Variants in ECSCR observed in about 807,000 individuals in gnomAD.
ECSCR encodes the protein endothelial cell-specific chemotaxis regulator.
A neutral mutation model predicts 16.7 loss-of-function variants in ECSCR; 12 were observed. The observed-to-expected ratio is 0.72, with a 90% CI of 0.46 to 1.17. The LOEUF (loss-of-function observed/expected upper bound fraction) is 1.17, where lower values mean the gene tolerates loss of function less well. Among genes scored for constraint, ECSCR ranks in the 50% most tolerant of loss-of-function variants. ECSCR has a pLI of 0.00. For synonymous variants in ECSCR, 44 were observed against 42.2 expected (o/e 1.04, Z -0.17); for missense variants, 122 against 116.1 (o/e 1.05, Z -0.23).
intron 8 of ECSCR, among the ~76,000 whole-genome samples, chr5:139,452,302 G>GGT (rs1302268281): frequency 1.5e-4 from 22 of 142,492 alleles, no homozygotes; most frequent in African/African-American, 4.7e-4. Context: ...GTAGGTTTGT[G>GGT]GTGTGTGTGT....
chr5:139,450,395 T>G (rs1486944995), intron 8 of ECSCR, among the ~76,000 whole-genome samples: 3 of 151,428 alleles, frequency 2.0e-5, no homozygotes, highest in Non-Finnish European at 4.4e-5. Context: ...TCCCAGCTAC[T>G]TGACAGGCTG....
intron 8 of ECSCR, among the ~76,000 whole-genome samples, chr5:139,453,802 G>A (rs1751096037): frequency 1.2e-5 from 1 of 83,068 alleles, no homozygotes. Context: ...GGTGTGTGTG[G>A]TGTGTGATGT....
At chr5:139,457,660 C>T (rs1290039560) in intron 3 of ECSCR, 56 bp from the exon 4 acceptor site, 5 of 1,393,374 alleles carry the variant, frequency 3.6e-6, no homozygotes, top group South Asian at 2.3e-5. Flanking sequence ...GGTGACACCA[C>T]ACTCCCTGTC....
chr5:139,458,137 A>G lies in ECSCR; in HGVS notation c.106+2T>C. 6.5e-7 allele frequency: 1 copy of G among 1,549,620 alleles called. No homozygotes were observed. The highest frequency in any genetic ancestry group is 8.7e-7 in the Non-Finnish European group (1 of 1,146,920). On this transcript the variant is annotated splice_donor_variant, in intron 2 of 9. Coordinates refer to ENST00000618155, the MANE Select transcript of ECSCR (RefSeq NM_001077693.4). LOFTEE classifies it high-confidence loss of function. ...GGAGTAGACCCATGTGTTTGGTCTTACCCTGAGAGCTAGAGGTCTGGGTCA... is the reference window on the plus strand; with the variant it reads ...GGAGTAGACCCATGTGTTTGGTCTTGCCCTGAGAGCTAGAGGTCTGGGTCA...
In ECSCR at chr5:139,449,110, T is replaced by G; in HGVS notation, c.577A>C (p.Asn193His). ...TLISMKNINMNNGKQSLSAEK... is the reference protein window; with the variant it reads ...TLISMKNINMHNGKQSLSAEK... ...GCTGAGAGACTTTGTTTGCCATTAT[T>G]CATGTTGATGTTCTTCATGGAGATA... Residue 193 changes from asparagine to histidine, a missense_variant, in exon 9 of 10, where the codon AAT becomes CAT. Coordinates refer to ENST00000618155, the MANE Select transcript of ECSCR (RefSeq NM_001077693.4). The G allele has an allele frequency of 6.5e-7, 1 of 1,537,216 alleles. No individual in the cohort carries two copies.
rs1750963366 is a variant in ECSCR at position 139,448,723 on chromosome 5, G to A, written c.*177C>T. ...GTCCATACAGGAAAGAGTCTCCCCT[G>A]TTGGTAGCTTGCTCCCAGATCTGGG... On this transcript the variant is annotated 3_prime_UTR_variant, in exon 10 of 10. Transcript: ENST00000618155. The A allele has an allele frequency of 7.0e-7, 1 of 1,437,750 alleles. No homozygotes were observed. The highest frequency in any genetic ancestry group is 1.5e-5 in the South Asian group (1 of 65,888). The allele number at this position is 1,437,750 out of a possible 1,614,324, so 89.1% of individuals were successfully genotyped here.
chr5:139,458,467 C>A (rs1751212583), intron 1 of ECSCR, among the ~76,000 whole-genome samples: 2 of 124,712 alleles, frequency 1.6e-5, no homozygotes, highest in Non-Finnish European at 3.1e-5. Context: ...CACTACACTC[C>A]AGCCTGGGCA....
intron 8 of ECSCR, among the ~76,000 whole-genome samples, chr5:139,450,899 A>G (rs1233555719): frequency 2.0e-5 from 3 of 152,154 alleles, no homozygotes; most frequent in Admixed American, 6.5e-5. Context: ...CTAAGCTTAG[A>G]GATAATGTCT....
chr5:139,450,335 T>C (rs142854237), intron 8 of ECSCR, among the ~76,000 whole-genome samples: 3 of 152,096 alleles, frequency 2.0e-5, no homozygotes, highest in Non-Finnish European at 4.4e-5. Context: ...ACATCTTATA[T>C]CTATTAAAAA....
At position 139,457,816 on chromosome 5, in the gene ECSCR, G is replaced by C. The variant is rs765135807; in HGVS notation, c.107-9C>G. ...TAGACCGCCAAGGCCTCCTGAAACA[G>C]AACATCTGAGGCTGAGGGGTGCACC... On this transcript the variant is annotated splice_polypyrimidine_tract_variant and intron_variant, in intron 2 of 9. Transcript: ENST00000618155. 1.9e-6 allele frequency: 3 copies of C among 1,603,776 alleles called. No homozygotes were observed. In the South Asian group the frequency reaches 3.4e-5, roughly 18 times the overall value.
chr5:139,457,584 C>T lies in ECSCR; in HGVS notation c.178G>A (p.Ala60Thr). The change falls in exon 4 of 10, where the codon GCT becomes ACT. Residue 60 changes from alanine (A) to threonine (T), a missense_variant. Coordinates refer to ENST00000618155, the MANE Select transcript of ECSCR (RefSeq NM_001077693.4). ...SNPGYIPSSE[A>T]NRPSHLSSTG... Reference sequence around the variant, plus strand: ...CTGGACAGATGGCTTGGCCTGTTAGCCTCTGAGGAAGGGATGTATCCTGCA... The same window carrying T: ...CTGGACAGATGGCTTGGCCTGTTAGTCTCTGAGGAAGGGATGTATCCTGCA... 1 of 823,742 alleles carries T rather than the reference C, an allele frequency of 1.2e-6. No individual in the cohort carries two copies. The highest frequency in any genetic ancestry group is 2.2e-6 in the Non-Finnish European group (1 of 457,340). The allele number at this position is 823,742 out of a possible 1,614,324, so 51.0% of individuals were successfully genotyped here. A position where few individuals can be genotyped will look rare whatever the true frequency, so the allele number is the denominator to read the frequency against.
At chr5:139,459,176 G>A (rs1751237177) in intron 1 of ECSCR, among the ~76,000 whole-genome samples, 1 of 152,166 alleles carries the variant, frequency 6.6e-6, no homozygotes, top group Non-Finnish European at 1.5e-5. Flanking sequence ...AGGACTCCAG[G>A]TCTCTAGGCT....
Position 139,457,754 on chromosome 5 carries a change from C to T in ECSCR, c.157+3G>A, listed in dbSNP as rs375731899. On this transcript the variant is annotated splice_donor_region_variant and intron_variant, in intron 3 of 9. Transcript: ENST00000618155. The stretch of plus-strand genomic sequence containing the variant: ...AGGGACCTCAGCAACCACACTCACT[C>T]ACCTGGGTTGGAAGAAACTGGCTCT... 880 of 1,613,166 alleles carry T rather than the reference C, an allele frequency of 5.5e-4. No homozygotes were observed. The highest frequency in any genetic ancestry group is 6.6e-4 in the Non-Finnish European group (784 of 1,179,542).
chr5:139,461,231 T>A (rs1326921789), intron 1 of ECSCR, among the ~76,000 whole-genome samples: 2 of 152,212 alleles, frequency 1.3e-5, no homozygotes, highest in Non-Finnish European at 2.9e-5. Context: ...AAAATGCATA[T>A]GAAGCACTTA....
chr5:139,457,925 A>C, intron 2 of ECSCR, 118 bp from the exon 3 acceptor site: 1 of 1,249,414 alleles, frequency 8.0e-7, no homozygotes, highest in Non-Finnish European at 1.1e-6. Context: ...CTCATTCCCA[A>C]CCATTCACCT....
intron 1 of ECSCR, among the ~76,000 whole-genome samples, chr5:139,461,918 A>T (rs182151168): frequency 7.4e-4 from 113 of 152,230 alleles, no homozygotes; most frequent in African/African-American, 2.6e-3. Context: ...ACTCGTCATG[A>T]TTCCCAGCAA....
At chr5:139,458,500 C>CAAAAAAAAAAAAAAAAAAAAAA (rs397882364) in intron 1 of ECSCR, among the ~76,000 whole-genome samples, 37 of 85,350 alleles carry the variant, frequency 4.3e-4, no homozygotes, top group African/African-American at 1.4e-3. Context: ...CCTATCTCAA[C>CAAAAAAAAAAAAAAAAAAAAAA]AAAAAAAAAA....
rs761525470 is a variant in ECSCR, at chr5:139,448,690, C to T, written c.*210G>A. ...GTGGGAGAAGCAGGCAGTATTTCCA[C>T]AGCAGCTGTCCATACAGGAAAGAGT... On this transcript the variant is annotated 3_prime_UTR_variant, in exon 10 of 10. Transcript: ENST00000618155. 33 of 1,386,804 alleles carry T rather than the reference C, an allele frequency of 2.4e-5. No individual in the cohort carries two copies. In the East Asian group the frequency reaches 2.6e-4, roughly 11 times the overall value. The allele number at this position is 1,386,804 out of a possible 1,614,324, so 85.9% of individuals were successfully genotyped here.
chr5:139,457,456 C>G, intron 4 of ECSCR, 89 bp downstream of exon 4: 1 of 776,936 alleles, frequency 1.3e-6, no homozygotes. Context: ...CCCGCTCGCC[C>G]CAGTCTATAT....
Sources: allele counts gnomAD v4.1 joint callset (sites outside exome capture counted in the v4.1 genomes callset), GRCh38; gene constraint gnomAD v4.1.1; transcripts MANE v1.5; gene names NCBI Gene and HGNC (gene_info 2026-07-23, HGNC 2026-07-21).